Variants in DPYS observed in about 807,000 individuals in gnomAD.
DPYS encodes the protein dihydropyrimidine amidohydrolase.
A neutral mutation model predicts 50.3 loss-of-function variants in DPYS; 39 were observed. That is an observed-to-expected ratio of 0.78 (90% CI 0.60 to 1.01). DPYS has a LOEUF of 1.01. DPYS is among the 50% of genes least tolerant of loss of function. The pLI is 0.00. For missense variants in DPYS, 659 were observed against 680.9 expected, an observed-to-expected ratio of 0.97 and a Z score of 0.36; for synonymous variants, 245 against 250.7, an observed-to-expected ratio of 0.98 and a Z score of 0.22.
In DPYS at chr8:104,381,228, T is replaced by C. The variant is rs752974524; in HGVS notation, c.1530A>G (p.Thr510=). Residue 510 remains threonine, a synonymous_variant, in exon 9 of 10, where the codon ACA becomes ACG. Coordinates refer to ENST00000351513, the MANE Select transcript of DPYS (RefSeq NM_001385.3). The stretch of plus-strand genomic sequence containing the variant: ...GGTGGGCCTGTTTCCTGGTCCCTGC[T>C]GTGGCATCTTCTTTTGTCACTCTGG... ...LKSRVTKEDA[T]AGTRKQAHP is the part of the protein sequence containing the mutation. 9 of 1,614,046 alleles carry C rather than the reference T, an allele frequency of 5.6e-6. No homozygotes were observed. The highest frequency in any genetic ancestry group is 7.6e-6 in the Non-Finnish European group (9 of 1,180,010).
At position 104,459,187 on chromosome 8, in the gene DPYS, G is replaced by A. The variant is rs532552003; in HGVS notation, c.264+7470C>T. Among the ~76,000 whole-genome samples, 4 of 151,346 alleles carry A rather than the reference G, an allele frequency of 2.6e-5. No individual in the cohort carries two copies. In the East Asian group the frequency reaches 7.9e-4, roughly 30 times the overall value. On this transcript the variant is annotated intron_variant, in intron 1 of 9. Transcript: ENST00000351513. ...GGTGGCCAGTTGCCCAGGCTCACTT[G>A]TCAGCCAAGTAAGCAGGTCAGAAAC...
At chr8:104,390,757 C>A (rs1811361163) in intron 8 of DPYS, among the ~76,000 whole-genome samples, 1 of 152,028 alleles carries the variant, frequency 6.6e-6, no homozygotes, top group East Asian at 1.9e-4. Flanking sequence ...CCTCAGCCTC[C>A]CAAACTGCTA....
At chr8:104,441,289 C>T (rs1813347206) in intron 4 of DPYS, among the ~76,000 whole-genome samples, 1 of 152,178 alleles carries the variant, frequency 6.6e-6, no homozygotes, top group Admixed American at 6.5e-5. Flanking sequence ...CCAAAAATTA[C>T]ATATGCAATT....
rs754713278 is a variant in DPYS, at chr8:104,392,792, G to A, written c.1435C>T (p.Arg479Ter). 3.1e-6 allele frequency: 5 copies of A among 1,614,032 alleles called. No individual in the cohort carries two copies. Among genetic ancestry groups the A allele is most frequent in the South Asian group, 2.2e-5 (2 of 91,072 alleles). Residue 479 changes from arginine to a stop codon, truncating the protein, a stop_gained, in exon 8 of 10, where the codon CGA becomes TGA. Coordinates refer to ENST00000351513, the MANE Select transcript of DPYS (RefSeq NM_001385.3). LOFTEE classifies it high-confidence loss of function. ...AEYIYKRIKQ[R>*]DRTCTPTPVE... ...CACTGTGGCACACTCACCCGGTCTC[G>A]CTGCTTTATTCGTTTGTAAATATAT...
chr8:104,431,109 G>C (rs1812939676), intron 4 of DPYS, among the ~76,000 whole-genome samples: 1 of 152,134 alleles, frequency 6.6e-6, no homozygotes, highest in South Asian at 2.1e-4. Flanking sequence ...TCAGAGACTT[G>C]ATCTGCAATC....
intron 5 of DPYS, 140 bp downstream of exon 5, chr8:104,429,405 T>A (rs1288039673): frequency 6.8e-6 from 7 of 1,032,066 alleles, no homozygotes; most frequent in Non-Finnish European, 1.0e-5. Flanking sequence ...GCTCTGCAGG[T>A]GAGGGGTACC....
rs184414877 is a variant in DPYS at position 104,447,577 on chromosome 8, G to T, written c.424-74C>A. On this transcript the variant is annotated intron_variant, in intron 2 of 9. Transcript: ENST00000351513. ...TGATAATTTCAACCTTCTCTAAAAC[G>T]TTGCATTCGGAAGAGAACTAAGTAA... 5.3e-3 allele frequency: 8,117 copies of T among 1,541,772 alleles called. 49 individuals carry two copies. The highest frequency in any genetic ancestry group is 0.022 in the Middle Eastern group (123 of 5,504).
At chr8:104,426,379 G>A (rs887850554) in intron 6 of DPYS, among the ~76,000 whole-genome samples, 4 of 152,164 alleles carry the variant, frequency 2.6e-5, no homozygotes, top group African/African-American at 7.2e-5. Context: ...AAGAGTTCTT[G>A]TACTGGAGTA....
intron 7 of DPYS, among the ~76,000 whole-genome samples, chr8:104,393,710 G>A (rs1188064277): frequency 6.6e-6 from 1 of 152,146 alleles, no homozygotes; most frequent in Non-Finnish European, 1.5e-5. Flanking sequence ...ATTTGAAAAT[G>A]CTACATGCCT....
At chr8:104,422,098 C>T (rs1421339790) in intron 7 of DPYS, among the ~76,000 whole-genome samples, 2 of 152,096 alleles carry the variant, frequency 1.3e-5, no homozygotes, top group Non-Finnish European at 2.9e-5. Context: ...GAAATTAAAA[C>T]GGCAGACGAG....
At chr8:104,407,706 A>G (rs1404040380) in intron 7 of DPYS, among the ~76,000 whole-genome samples, 2 of 152,256 alleles carry the variant, frequency 1.3e-5, no homozygotes, top group African/African-American at 2.4e-5. Context: ...CTGCTATATT[A>G]AAAACAAAAC....
Position 104,399,697 on chromosome 8 carries a change from G to A in DPYS, c.1236-6706C>T, listed in dbSNP as rs182630378. Among the ~76,000 whole-genome samples, 907 of 151,646 alleles carry A rather than the reference G, an allele frequency of 6.0e-3. 4 individuals are homozygous for A. The highest frequency in any genetic ancestry group is 0.021 in the African/African-American group (854 of 41,324). On this transcript the variant is annotated intron_variant, in intron 7 of 9. Coordinates refer to ENST00000351513, the MANE Select transcript of DPYS (RefSeq NM_001385.3). ...ATCCTGGCTAACATGGTGAAACCCC[G>A]TCTCTACTAAAAATACAAAAAATTA...
chr8:104,417,571 G>A (rs918178785), intron 7 of DPYS, among the ~76,000 whole-genome samples: 1 of 152,128 alleles, frequency 6.6e-6, no homozygotes, highest in South Asian at 2.1e-4. Flanking sequence ...TATGGAAAAC[G>A]TCCTTAAATT....
chr8:104,464,921 A>G (rs1814306264), intron 1 of DPYS, among the ~76,000 whole-genome samples: 1 of 152,274 alleles, frequency 6.6e-6, no homozygotes, highest in Non-Finnish European at 1.5e-5. Flanking sequence ...GGAAAAATGA[A>G]TAAACAAAAC....
intron 7 of DPYS, among the ~76,000 whole-genome samples, chr8:104,401,811 C>T (rs1811819566): frequency 6.6e-6 from 1 of 152,156 alleles, no homozygotes; most frequent in Non-Finnish European, 1.5e-5. Flanking sequence ...TCTGGAAATG[C>T]TAAATGGTGC....
At chr8:104,399,857 A>T (rs1042711688) in intron 7 of DPYS, among the ~76,000 whole-genome samples, 9 of 89,972 alleles carry the variant, frequency 1.0e-4, no homozygotes, top group African/African-American at 4.0e-4. Context: ...AGACAGCAAG[A>T]CTCCGTCTCA....
chr8:104,466,842 C>G lies in DPYS; in HGVS notation c.79G>C (p.Val27Leu), dbSNP rs1420139686. ...DDFSEVADVL[V>L]EDGVVRALGH... ...AGTGCCCGCACCACGCCGTCCTCCA[C>G]CAGCACGTCGGCCACCTCCGAGAAG... The change falls in exon 1 of 10, where the codon GTG becomes CTG. Residue 27 changes from valine to leucine, a missense_variant. Transcript: ENST00000351513. The G allele has an allele frequency of 1.3e-6, 2 of 1,532,442 alleles. No individual in the cohort carries two copies. Among genetic ancestry groups the G allele is most frequent in the East Asian group, 2.5e-5 (1 of 40,614 alleles). The allele number at this position is 1,532,442 out of a possible 1,614,324, so 94.9% of individuals were successfully genotyped here. A position where few individuals can be genotyped will look rare whatever the true frequency, so the allele number is the denominator to read the frequency against.
chr8:104,427,860 C>T lies in DPYS; in HGVS notation c.1092+120G>A, dbSNP rs1051595336. Reference sequence around the variant, plus strand: ...GTGATAGTATTGCATTCCTAGTATCCTCCCTAGTAAAAACAATCAAAAAGC... The same window carrying T: ...GTGATAGTATTGCATTCCTAGTATCTTCCCTAGTAAAAACAATCAAAAAGC... On this transcript the variant is annotated intron_variant, in intron 6 of 9. Coordinates refer to ENST00000351513, the MANE Select transcript of DPYS (RefSeq NM_001385.3). The T allele has an allele frequency of 2.8e-6, 4 of 1,442,412 alleles. No individual in the cohort carries two copies. In the African/African-American group the frequency reaches 5.6e-5, roughly 20 times the overall value. 89.4% of individuals were successfully genotyped at this position (1,442,412 alleles called of 1,614,324 possible).
chr8:104,386,709 C>A (rs930273024), intron 8 of DPYS, among the ~76,000 whole-genome samples: 1 of 151,458 alleles, frequency 6.6e-6, no homozygotes, highest in Admixed American at 6.6e-5. Context: ...CTCACTGCAA[C>A]CTCCGCCTTC....
Sources: allele counts gnomAD v4.1 joint callset (sites outside exome capture counted in the v4.1 genomes callset), GRCh38; gene constraint gnomAD v4.1.1; transcripts MANE v1.5; gene names NCBI Gene and HGNC (gene_info 2026-07-23, HGNC 2026-07-21).